VPS50: variants seen among roughly 807,000 people sequenced by gnomAD.
VPS50 encodes the protein VPS50 subunit of EARP/GARPII complex.
Under a neutral mutation model 139.7 loss-of-function variants are expected in VPS50, and 70 were observed. The observed-to-expected ratio is 0.50, with a 90% CI of 0.41 to 0.61. VPS50 has a LOEUF of 0.61. Among genes scored for constraint, VPS50 ranks in the 20% least tolerant of loss-of-function variants. The pLI is 0.00. For synonymous variants in VPS50, 365 were observed against 376.7 expected, an observed-to-expected ratio of 0.97 and a Z score of 0.36; for missense variants, 921 against 1,133.7, an observed-to-expected ratio of 0.81 and a Z score of 2.69.
Position 93,342,336 on chromosome 7 carries a change from A to G in VPS50, c.2207+761A>G, listed in dbSNP as rs888003918. ...TGGCTCGGAGGGTCCCATGCCCACG[A>G]AGTCTCGCTGATTGCTAGCACAGCA... On this transcript the variant is annotated intron_variant, in intron 23 of 27. Transcript: ENST00000305866. Among the ~76,000 whole-genome samples, 4 of 152,198 alleles carry G rather than the reference A, an allele frequency of 2.6e-5. No homozygotes were observed. In the East Asian group the frequency reaches 7.7e-4, roughly 29 times the overall value.
chr7:93,286,919 A>G (rs1796503252), intron 12 of VPS50, among the ~76,000 whole-genome samples: 2 of 151,974 alleles, frequency 1.3e-5, no homozygotes, highest in South Asian at 4.1e-4. Flanking sequence ...TTAAAATGAA[A>G]TAACTCTTTT....
chr7:93,334,793 T>G (rs542933663), intron 22 of VPS50, among the ~76,000 whole-genome samples: 1 of 152,366 alleles, frequency 6.6e-6, no homozygotes, highest in Admixed American at 6.5e-5. Flanking sequence ...AACACAGGGT[T>G]GACCTCCTGT....
intron 14 of VPS50, among the ~76,000 whole-genome samples, chr7:93,296,392 T>C (rs919238134): frequency 4.6e-5 from 7 of 152,190 alleles, no homozygotes; most frequent in African/African-American, 1.7e-4. Context: ...GGATCAGATA[T>C]GATTTGTTTC....
chr7:93,286,093 A>G (rs1796476513), intron 12 of VPS50, among the ~76,000 whole-genome samples: 1 of 152,132 alleles, frequency 6.6e-6, no homozygotes, highest in East Asian at 1.9e-4. Context: ...TCTTTGCTAA[A>G]TAAATTGAAG....
At chr7:93,243,747 T>G (rs192180279) in intron 2 of VPS50, among the ~76,000 whole-genome samples, 224 of 152,088 alleles carry the variant, frequency 1.5e-3, no homozygotes, top group Non-Finnish European at 2.8e-3. Flanking sequence ...AGCCACAACG[T>G]TATTAGTTAT....
chr7:93,236,937 C>CTT (rs71107889), intron 1 of VPS50, among the ~76,000 whole-genome samples: 426 of 31,078 alleles, frequency 0.014, 57 homozygotes, highest in Non-Finnish European at 0.016. Flanking sequence ...TCTTTTACTT[C>CTT]TTTTTTTTTT....
intron 2 of VPS50, among the ~76,000 whole-genome samples, chr7:93,240,511 A>G (rs923552759): frequency 3.3e-5 from 5 of 152,108 alleles, no homozygotes; most frequent in Admixed American, 6.6e-5. Flanking sequence ...CAAATTTTAT[A>G]TAGGTTATTT....
intron 20 of VPS50, among the ~76,000 whole-genome samples, chr7:93,318,464 G>A (rs1797496310): frequency 6.6e-6 from 1 of 151,938 alleles, no homozygotes; most frequent in African/African-American, 2.4e-5. Context: ...TTTGTCTTAT[G>A]TGCTATTATG....
At chr7:93,330,817 CATAAG>C (rs1326009515) in intron 21 of VPS50, among the ~76,000 whole-genome samples, 1 of 146,602 alleles carries the variant, frequency 6.8e-6, no homozygotes, top group African/African-American at 2.5e-5. Context: ...TAGTCTTTGT[CATAAG>C]ATAAGAAATA....
At chr7:93,242,695 A>G (rs1014406019) in intron 2 of VPS50, among the ~76,000 whole-genome samples, 7 of 152,010 alleles carry the variant, frequency 4.6e-5, no homozygotes, top group African/African-American at 1.7e-4. Context: ...TTTAAAAAAC[A>G]TATGCCTGGT....
chr7:93,269,989 T>A (rs1795956160), intron 9 of VPS50, among the ~76,000 whole-genome samples: 2 of 152,066 alleles, frequency 1.3e-5, no homozygotes. Flanking sequence ...TTCACTTGTT[T>A]GTACTATTTT....
intron 2 of VPS50, among the ~76,000 whole-genome samples, chr7:93,251,423 G>T (rs1018699809): frequency 6.9e-6 from 1 of 144,874 alleles, no homozygotes; most frequent in Non-Finnish European, 1.5e-5. Context: ...ACTAACACAA[G>T]AATAGAAAAC....
chr7:93,320,139 T>G (rs760497978), intron 20 of VPS50, among the ~76,000 whole-genome samples: 26 of 152,160 alleles, frequency 1.7e-4, no homozygotes, highest in Non-Finnish European at 1.5e-5. Context: ...ATTAGAACTA[T>G]GTTCGAGCTG....
chr7:93,266,199 A>G (rs1224053940), intron 9 of VPS50, among the ~76,000 whole-genome samples: 2 of 152,194 alleles, frequency 1.3e-5, no homozygotes, highest in East Asian at 1.9e-4. Context: ...GCTCATTCTA[A>G]AAGTTTTATA....
Position 93,323,709 on chromosome 7 carries a change from A to AC in VPS50, c.1956dup (p.Phe653LeufsTer6). The AC allele has an allele frequency of 7.0e-7, 1 of 1,431,698 alleles. No individual in the cohort carries two copies. Among genetic ancestry groups the AC allele is most frequent in the South Asian group, 1.5e-5 (1 of 68,694 alleles). 88.7% of individuals were successfully genotyped at this position (1,431,698 alleles called of 1,614,324 possible). On this transcript the variant is annotated frameshift_variant, in exon 21 of 28. Transcript: ENST00000305866. LOFTEE classifies it high-confidence loss of function. ...TGATTATTACTTGTATGCAATATAT[A>AC]CCTTTTTTGGTCGGAATGATTCAGT...
intron 16 of VPS50, among the ~76,000 whole-genome samples, chr7:93,302,406 A>T (rs1797004234): frequency 6.7e-6 from 1 of 149,592 alleles, no homozygotes; most frequent in African/African-American, 2.5e-5. Flanking sequence ...TCTGTCTTTG[A>T]GTTCATGAAT....
At chr7:93,309,584 T>C (rs1344944622) in intron 19 of VPS50, among the ~76,000 whole-genome samples, 2 of 151,928 alleles carry the variant, frequency 1.3e-5, no homozygotes, top group African/African-American at 4.8e-5. Flanking sequence ...GTGGAGTTCT[T>C]GCTTCAATCT....
At chr7:93,328,858 G>A (rs771255677) in intron 21 of VPS50, among the ~76,000 whole-genome samples, 4 of 152,066 alleles carry the variant, frequency 2.6e-5, no homozygotes, top group Non-Finnish European at 2.9e-5. Context: ...CCTATATCTC[G>A]GACTGTGAGA....
At chr7:93,283,231 CT>C (rs775610044) in intron 12 of VPS50, among the ~76,000 whole-genome samples, 203 of 140,536 alleles carry the variant, frequency 1.4e-3, no homozygotes, top group East Asian at 2.0e-3. Context: ...TTTTTCTTTT[CT>C]TTTTTTTTTT....
Sources: gnomAD v4.1 joint callset for allele counts (sites outside exome capture counted in the v4.1 genomes callset) on GRCh38, gnomAD v4.1.1 for gene constraint, MANE v1.5 for transcripts, NCBI Gene and HGNC (gene_info 2026-07-23, HGNC 2026-07-21) for gene names.